PIK3C3: variants seen among roughly 807,000 people sequenced by gnomAD.
The protein encoded by PIK3C3 is PI3-kinase type 3.
Under a neutral mutation model 126.1 loss-of-function variants are expected in PIK3C3, and 95 were observed. The ratio of observed to expected loss-of-function variants is 0.75; its 90% CI spans 0.64 to 0.89. The LOEUF is 0.89. Among genes scored for constraint, PIK3C3 ranks in the 40% least tolerant of loss-of-function variants. PIK3C3 has a pLI of 0.00. For synonymous variants in PIK3C3, 374 were observed against 360.0 expected (o/e 1.04, Z -0.44); for missense variants, 829 against 1,063.2 (o/e 0.78, Z 3.06).
chr18:41,968,110 A>C (rs142996425), intron 3 of PIK3C3, among the ~76,000 whole-genome samples: 4 of 152,236 alleles, frequency 2.6e-5, no homozygotes, highest in African/African-American at 9.6e-5. Flanking sequence ...CTATCCTTAA[A>C]TCTCTTCTCT....
chr18:41,961,183 A>G (rs1980066107), intron 2 of PIK3C3, among the ~76,000 whole-genome samples: 1 of 152,198 alleles, frequency 6.6e-6, no homozygotes, highest in Non-Finnish European at 1.5e-5. Flanking sequence ...AATACAGAAT[A>G]ATAAATTCCA....
intron 24 of PIK3C3, among the ~76,000 whole-genome samples, chr18:42,079,943 TTGAG>T (rs1370209658): frequency 1.7e-5 from 2 of 116,532 alleles, no homozygotes; most frequent in African/African-American, 6.8e-5. Context: ...TCCCCAACTT[TTGAG>T]TGTGTGTGTG....
intron 20 of PIK3C3, among the ~76,000 whole-genome samples, chr18:42,045,184 A>C (rs958032579): frequency 6.6e-6 from 1 of 152,216 alleles, no homozygotes; most frequent in Non-Finnish European, 1.5e-5. Flanking sequence ...TAGGAATATA[A>C]ACATATATTA....
Position 41,957,661 on chromosome 18 carries a change from T to C in PIK3C3, c.160T>C (p.Cys54Arg). ...LKFSGLYQETCSDLYVTCQVF... is the reference protein window; with the variant it reads ...LKFSGLYQETRSDLYVTCQVF... Reference sequence around the variant, plus strand: ...GTTCTCAGGACTATATCAAGAGACATGCTCTGATCTTTATGTTACTTGTCA... The same window carrying C: ...GTTCTCAGGACTATATCAAGAGACACGCTCTGATCTTTATGTTACTTGTCA... The change falls in exon 2 of 25, where the codon TGC becomes CGC. Residue 54 changes from cysteine (C) to arginine (R), a missense_variant. Physicochemically the swap from Cys to Arg is radical, Grantham distance 180. Coordinates refer to ENST00000262039, the MANE Select transcript of PIK3C3 (RefSeq NM_002647.4). The C allele has an allele frequency of 6.2e-7, 1 of 1,614,040 alleles. No homozygotes were observed. The highest frequency in any genetic ancestry group is 8.5e-7 in the Non-Finnish European group (1 of 1,179,958).
chr18:42,087,593 T>G lies in PIK3C3; in HGVS notation c.*6456T>G, dbSNP rs1283798953. On this transcript the variant is annotated 3_prime_UTR_variant, in exon 25 of 25. Transcript: ENST00000262039. ...CTTTGTTAGCAAATGATTTGGAGCT[T>G]CTTTTCATTAAAGAAAAAAGCCTTA... 6.6e-6 allele frequency: 1 copy of G among 152,200 alleles called. No individual in the cohort carries two copies. Among genetic ancestry groups the G allele is most frequent in the East Asian group, 1.9e-4 (1 of 5,182 alleles). 9.4% of individuals were successfully genotyped at this position (152,200 alleles called of 1,614,324 possible).
chr18:42,016,830 C>T (rs1365847413), intron 12 of PIK3C3, among the ~76,000 whole-genome samples: 2 of 151,856 alleles, frequency 1.3e-5, no homozygotes, highest in African/African-American at 2.4e-5. Flanking sequence ...GCCATTAGTC[C>T]GAATGAGTTT....
intron 21 of PIK3C3, among the ~76,000 whole-genome samples, chr18:42,054,120 C>A (rs1984925657): frequency 1.2e-5 from 1 of 84,796 alleles, no homozygotes; most frequent in African/African-American, 5.3e-5. Flanking sequence ...AGGGACAGAA[C>A]TAATGGTATA....
rs780399822 is a variant in PIK3C3 at position 41,970,323 on chromosome 18, C to G, written c.402-4C>G. On this transcript the variant is annotated splice_polypyrimidine_tract_variant and splice_region_variant and intron_variant, in intron 3 of 24. Coordinates refer to ENST00000262039, the MANE Select transcript of PIK3C3 (RefSeq NM_002647.4). ...TCTACCCTGAACATTCTCTTTTTCC[C>G]TAGCATGTTTCGCCAAGGGATGCAT... 3.0e-5 allele frequency: 48 copies of G among 1,612,440 alleles called. No homozygotes were observed. The highest frequency in any genetic ancestry group is 4.1e-5 in the Non-Finnish European group (48 of 1,178,738).
chr18:42,058,645 C>CA lies in PIK3C3; in HGVS notation c.2432+601dup, dbSNP rs914306604. 3.0e-4 allele frequency among the ~76,000 whole-genome samples: 46 copies of CA among 152,194 alleles called. 1 individual carries two copies. The Middle Eastern group carries it at 0.034, about 113-fold the overall frequency. ...TAACACCTCATCAGTCATTCTGCTACAAAAAAATGTTTTTTCTCCGTCCTT... is the reference window on the plus strand; with the variant it reads ...TAACACCTCATCAGTCATTCTGCTACAAAAAAAATGTTTTTTCTCCGTCCTT... On this transcript the variant is annotated intron_variant, in intron 22 of 24. Coordinates refer to ENST00000262039, the MANE Select transcript of PIK3C3 (RefSeq NM_002647.4).
chr18:42,029,896 T>TTA (rs751305239), intron 15 of PIK3C3, among the ~76,000 whole-genome samples: 41 of 152,098 alleles, frequency 2.7e-4, no homozygotes, highest in South Asian at 1.5e-3. Flanking sequence ...TTTTATGAGT[T>TTA]TATATATATA....
At chr18:42,079,946 A>AGTGTGTGT (rs6146278) in intron 24 of PIK3C3, among the ~76,000 whole-genome samples, 52 of 137,126 alleles carry the variant, frequency 3.8e-4, no homozygotes, top group African/African-American at 9.2e-4. Flanking sequence ...CCAACTTTTG[A>AGTGTGTGT]GTGTGTGTGT....
At chr18:42,029,482 G>T in intron 15 of PIK3C3, 41 bp downstream of exon 15, 1 of 1,080,938 alleles carries the variant, frequency 9.3e-7, no homozygotes, top group South Asian at 1.3e-5. Context: ...ATAGCATCTT[G>T]GCATCAGAAA....
chr18:42,063,225 A>G (rs1840310423), intron 22 of PIK3C3, among the ~76,000 whole-genome samples: 1 of 152,286 alleles, frequency 6.6e-6, no homozygotes, highest in South Asian at 2.1e-4. Flanking sequence ...ACATAAAATT[A>G]TCATGTTTAT....
At chr18:41,990,723 G>T in intron 6 of PIK3C3, 169 bp downstream of exon 6, 1 of 535,600 alleles carries the variant, frequency 1.9e-6, no homozygotes, top group East Asian at 3.0e-5. Context: ...ACTACAACAA[G>T]ATTACAAAAG....
At chr18:42,052,179 G>GT (rs1248790535) in intron 21 of PIK3C3, among the ~76,000 whole-genome samples, 1 of 152,008 alleles carries the variant, frequency 6.6e-6, no homozygotes, top group East Asian at 1.9e-4. Flanking sequence ...GCGTATGTGT[G>GT]TTTTGATGGG....
rs150745174 is a variant in PIK3C3 at position 42,022,888 on chromosome 18, A to C, written c.1484+2183A>C. On this transcript the variant is annotated intron_variant, in intron 13 of 24. Coordinates refer to ENST00000262039, the MANE Select transcript of PIK3C3 (RefSeq NM_002647.4). ...CCTTTAAATGCCACCTTTTACCTCT[A>C]ATGTTCTCTGTGTTCCAATCTGAAT... is the stretch of plus-strand genomic sequence containing the variant. Among the ~76,000 whole-genome samples the C allele has an allele frequency of 1.6e-3, 245 of 152,144 alleles. 1 individual carries two copies. The highest frequency in any genetic ancestry group is 5.4e-3 in the African/African-American group (226 of 41,530).
intron 9 of PIK3C3, among the ~76,000 whole-genome samples, chr18:41,998,185 T>G (rs970893448): frequency 6.6e-6 from 1 of 152,150 alleles, no homozygotes; most frequent in African/African-American, 2.4e-5. Context: ...TTATTCTCCT[T>G]TATATCCATA....
At position 42,013,534 on chromosome 18, in the gene PIK3C3, T is replaced by G. The variant is rs1254757892; in HGVS notation, c.1263T>G (p.Asp421Glu). 4 of 1,602,616 alleles carry G rather than the reference T, an allele frequency of 2.5e-6. No homozygotes were observed. The highest frequency in any genetic ancestry group is 2.6e-6 in the Non-Finnish European group (3 of 1,172,768). Reference sequence around the variant, plus strand: ...ATGGATTGGAACCTACCAAGAAGGATAGTCAGAGTTCAGTGTCAGAAAATG... The same window carrying G: ...ATGGATTGGAACCTACCAAGAAGGAGAGTCAGAGTTCAGTGTCAGAAAATG... ...IKNGLEPTKK[D>E]SQSSVSENVS... Residue 421 changes from aspartate to glutamate, a missense_variant, in exon 11 of 25, where the codon GAT becomes GAG. This residue lies in a region of PIK3C3 where 256 missense variants were observed against 291.0 expected (regional missense o/e 0.88). Coordinates refer to ENST00000262039, the MANE Select transcript of PIK3C3 (RefSeq NM_002647.4).
chr18:41,964,678 T>A (rs1980266740), intron 3 of PIK3C3, among the ~76,000 whole-genome samples: 1 of 152,140 alleles, frequency 6.6e-6, no homozygotes, highest in Admixed American at 6.5e-5. Flanking sequence ...TTTCCAGGTT[T>A]GTTTTGGCAG....
Sources: allele counts gnomAD v4.1 joint callset (sites outside exome capture counted in the v4.1 genomes callset), GRCh38; gene constraint gnomAD v4.1.1; regional missense constraint gnomAD v4.1.1; transcripts MANE v1.5; gene names NCBI Gene and HGNC (gene_info 2026-07-23, HGNC 2026-07-21).